RIC1: variants seen among roughly 807,000 people sequenced by gnomAD.
RIC1 encodes the protein RIC1 partner of RAB6A GEF complex.
RIC1 carries 88 observed loss-of-function variants against 169.0 expected under a neutral mutation model. The ratio of observed to expected loss-of-function variants is 0.52; its 90% confidence interval spans 0.44 to 0.62. The LOEUF (loss-of-function observed/expected upper bound fraction) is 0.62, where lower values mean the gene tolerates loss of function less well. RIC1 is among the 20% of genes least tolerant of loss of function. The pLI is 0.00. For missense variants in RIC1, 1,877 were observed against 1,725.5 expected, an observed-to-expected ratio of 1.09 and a Z score of -1.56; for synonymous variants, 790 against 601.5, an observed-to-expected ratio of 1.31 and a Z score of -4.59.
chr9:5,729,727 A>G (rs763363655), intron 6 of RIC1, among the ~76,000 whole-genome samples: 24 of 152,276 alleles, frequency 1.6e-4, no homozygotes, highest in Middle Eastern at 3.4e-3. Context: ...TAATATTCCT[A>G]TCTACTATCT....
intron 7 of RIC1, among the ~76,000 whole-genome samples, chr9:5,734,337 C>G (rs1235822236): frequency 6.6e-6 from 1 of 151,662 alleles, no homozygotes; most frequent in Non-Finnish European, 1.5e-5. Context: ...AACTCCTGAC[C>G]TCGTGATCCA....
chr9:5,714,116 C>T, intron 4 of RIC1, 113 bp downstream of exon 4: 1 of 613,962 alleles, frequency 1.6e-6, no homozygotes, highest in South Asian at 2.6e-5. Flanking sequence ...AAGATAACTT[C>T]TTAGTTCTGG....
intron 4 of RIC1, among the ~76,000 whole-genome samples, chr9:5,717,091 A>G (rs1282064310): frequency 6.6e-6 from 1 of 152,208 alleles, no homozygotes; most frequent in Non-Finnish European, 1.5e-5. Context: ...GCTAATTCCA[A>G]TATCAAGATT....
chr9:5,649,569 T>C (rs1818693261), intron 1 of RIC1, among the ~76,000 whole-genome samples: 1 of 152,152 alleles, frequency 6.6e-6, no homozygotes, highest in African/African-American at 2.4e-5. Context: ...GAATTTTTCA[T>C]TCATATCTTG....
intron 1 of RIC1, among the ~76,000 whole-genome samples, chr9:5,640,055 G>T (rs1331199691): frequency 6.6e-6 from 1 of 152,032 alleles, no homozygotes; most frequent in Non-Finnish European, 1.5e-5. Flanking sequence ...GGAGAGTTTG[G>T]TCCATTTGTA....
At chr9:5,731,664 T>A (rs1156519789) in intron 6 of RIC1, among the ~76,000 whole-genome samples, 1 of 152,176 alleles carries the variant, frequency 6.6e-6, no homozygotes, top group Non-Finnish European at 1.5e-5. Context: ...TATATGGAGA[T>A]GGCATATGGA....
At chr9:5,736,209 T>C (rs1824693709) in intron 7 of RIC1, among the ~76,000 whole-genome samples, 1 of 152,210 alleles carries the variant, frequency 6.6e-6, no homozygotes, top group Admixed American at 6.6e-5. Flanking sequence ...TGCTACCCAC[T>C]TAGTGCTGTC....
intron 6 of RIC1, among the ~76,000 whole-genome samples, chr9:5,722,348 A>AGAGAGAGAGTGT (rs374028302): frequency 0.21 from 27,051 of 131,110 alleles, 3,488 homozygotes; most frequent in East Asian, 0.56. Flanking sequence ...AGAGAGAGAG[A>AGAGAGAGAGTGT]GTGTGTGTGT....
At chr9:5,767,954 G>A (rs1282384191) in intron 21 of RIC1, among the ~76,000 whole-genome samples, 2 of 152,114 alleles carry the variant, frequency 1.3e-5, no homozygotes, top group Non-Finnish European at 2.9e-5. Context: ...ACATACATAG[G>A]TCCTATTTTA....
At position 5,673,361 on chromosome 9, in the gene RIC1, GCAGGCATAAA is replaced by G. The variant is rs967431826; in HGVS notation, c.253-16593_253-16584del. Reference sequence around the variant, plus strand: ...TAAGACCATTTTTCACCAATCTAATGCAGGCATAAACAGGAATTCTAGGAACAAGTAGAGT... The same window carrying G: ...TAAGACCATTTTTCACCAATCTAATGCAGGAATTCTAGGAACAAGTAGAGT... On this transcript the variant is annotated intron_variant, in intron 2 of 25. Transcript: ENST00000414202. Among the ~76,000 whole-genome samples the G allele has an allele frequency of 2.0e-5, 3 of 151,682 alleles. 1 individual carries two copies. Among genetic ancestry groups the G allele is most frequent in the African/African-American group, 7.3e-5 (3 of 41,236 alleles).
At chr9:5,727,634 AT>A (rs1313410253) in intron 6 of RIC1, among the ~76,000 whole-genome samples, 1 of 152,106 alleles carries the variant, frequency 6.6e-6, no homozygotes, top group Non-Finnish European at 1.5e-5. Context: ...GATTTTTAGA[AT>A]TTTAGCTTTT....
intron 11 of RIC1, 90 bp from the exon 12 acceptor site, chr9:5,747,212 A>C: frequency 1.1e-6 from 1 of 930,008 alleles, no homozygotes; most frequent in Non-Finnish European, 1.7e-6. Context: ...TAATAAAACT[A>C]AATCGATGTG....
At chr9:5,687,722 A>G (rs186585615) in intron 2 of RIC1, among the ~76,000 whole-genome samples, 2 of 152,324 alleles carry the variant, frequency 1.3e-5, no homozygotes, top group African/African-American at 4.8e-5. Context: ...ACCCCAGCAT[A>G]CACTGCTATT....
At chr9:5,689,807 T>A (rs1821487320) in intron 2 of RIC1, 152 bp from the exon 3 acceptor site, 2 of 535,318 alleles carry the variant, frequency 3.7e-6, no homozygotes, top group East Asian at 7.0e-5. Flanking sequence ...TATTAAAAAG[T>A]CGCTTCTATT....
intron 3 of RIC1, among the ~76,000 whole-genome samples, chr9:5,702,774 T>C (rs1353878950): frequency 1.3e-5 from 2 of 152,180 alleles, no homozygotes; most frequent in Non-Finnish European, 2.9e-5. Flanking sequence ...CTCGAACTCC[T>C]GAGCTCAGGC....
At chr9:5,759,038 C>T (rs1203394539) in intron 17 of RIC1, among the ~76,000 whole-genome samples, 1 of 151,884 alleles carries the variant, frequency 6.6e-6, no homozygotes, top group Non-Finnish European at 1.5e-5. Flanking sequence ...CCATCGTGCT[C>T]GGCCTTGGTC....
In RIC1 at chr9:5,747,419, C is replaced by A. The variant is rs762156817; in HGVS notation, c.1366C>A (p.Arg456=). The change falls in exon 12 of 26, where the codon CGA becomes AGA. Residue 456 remains arginine (R), a synonymous_variant. Transcript: ENST00000414202. ...SSTHSEHKPS[R]EKSPFADGGL... is the part of the protein sequence containing the mutation. ...AACACACTCTGAGCATAAGCCCAGT[C>A]GAGAAAAGAGCCCATTTGCAGATGG... 2 of 1,613,978 alleles carry A rather than the reference C, an allele frequency of 1.2e-6. No individual in the cohort carries two copies. Among genetic ancestry groups the A allele is most frequent in the Non-Finnish European group, 1.7e-6 (2 of 1,179,936 alleles).
At chr9:5,673,559 A>ATATATATATATATATATATATATAT (rs1554663256) in intron 2 of RIC1, among the ~76,000 whole-genome samples, 23 of 92,678 alleles carry the variant, frequency 2.5e-4, no homozygotes, top group African/African-American at 7.9e-4. Context: ...TATATATATA[A>ATATATATATATATATATATATATAT]ATAAATGTTG....
chr9:5,682,165 G>T (rs1162305229), intron 2 of RIC1, among the ~76,000 whole-genome samples: 1 of 152,128 alleles, frequency 6.6e-6, no homozygotes, highest in African/African-American at 2.4e-5. Context: ...TACATTTAAG[G>T]TTAATATTGT....
Sources: gnomAD v4.1 joint callset for allele counts (sites outside exome capture counted in the v4.1 genomes callset) on GRCh38, gnomAD v4.1.1 for gene constraint, MANE v1.5 for transcripts, NCBI Gene and HGNC (gene_info 2026-07-23, HGNC 2026-07-21) for gene names.